USP38: variants seen among roughly 807,000 people sequenced by gnomAD.
The protein encoded by USP38 is ubiquitin specific peptidase 38, also known as ubiquitin carboxyl-terminal hydrolase 38.
USP38 carries 49 observed loss-of-function variants against 94.3 expected under a neutral mutation model. That is an observed-to-expected ratio of 0.52 (90% CI 0.41 to 0.66). The LOEUF is 0.66. Ranked by LOEUF, USP38 falls within the 30% of genes least tolerant of loss-of-function variation. The pLI is 0.00. For missense variants in USP38, 1,128 were observed against 1,229.4 expected (o/e 0.92, Z 1.23); for synonymous variants, 468 against 463.6 (o/e 1.01, Z -0.12).
chr4:143,214,768 A>T lies in USP38; in HGVS notation c.2792A>T (p.Lys931Ile). Residue 931 changes from lysine to isoleucine, a missense_variant, in exon 9 of 10, where the codon AAA becomes ATA. Coordinates refer to ENST00000307017, the MANE Select transcript of USP38 (RefSeq NM_032557.6). ...VTFTSFQSVQKITSRFPKDTA... is the reference protein window; with the variant it reads ...VTFTSFQSVQIITSRFPKDTA... ...TTTACTTCATTTCAGTCAGTCCAGA[A>T]AATTACGAGCAGGTTTCCAAAGGAC... is the stretch of plus-strand genomic sequence containing the variant. The T allele has an allele frequency of 6.2e-7, 1 of 1,613,792 alleles. No homozygotes were observed. The highest frequency in any genetic ancestry group is 1.3e-5 in the African/African-American group (1 of 75,026).
chr4:143,212,552 G>T, intron 8 of USP38, 128 bp downstream of exon 8: 1 of 517,388 alleles, frequency 1.9e-6, no homozygotes, highest in Non-Finnish European at 3.1e-6. Flanking sequence ...TGCATTTCTT[G>T]TATGTTTTTT....
intron 4 of USP38, 31 bp from the exon 5 acceptor site, chr4:143,203,377 T>G (rs754921187): frequency 3.3e-5 from 52 of 1,593,332 alleles, no homozygotes; most frequent in Non-Finnish European, 4.3e-5. Flanking sequence ...TTTGTATAAA[T>G]TCAGCATTGT....
rs1197820912 is a variant in USP38 at position 143,185,444 on chromosome 4, G to A, written c.-7G>A. Reference sequence around the variant, plus strand: ...TCCCCTGGCCCTGGCCTTGCAGCGTGGCGACAATGGACAAGATCCTGGAGG... The same window carrying A: ...TCCCCTGGCCCTGGCCTTGCAGCGTAGCGACAATGGACAAGATCCTGGAGG... On this transcript the variant is annotated 5_prime_UTR_variant, in exon 1 of 10. Transcript: ENST00000307017. 1 of 1,570,550 alleles carries A rather than the reference G, an allele frequency of 6.4e-7. No individual in the cohort carries two copies.
intron 2 of USP38, among the ~76,000 whole-genome samples, chr4:143,193,620 A>T (rs1285357799): frequency 1.3e-5 from 2 of 152,190 alleles, no homozygotes; most frequent in Admixed American, 6.5e-5. Flanking sequence ...TAGAGAATGG[A>T]GGGAACATAC....
chr4:143,185,760 C>T lies in USP38; in HGVS notation c.310C>T (p.Leu104=), dbSNP rs1731201566. ...HSLDRKDVAI[L]DYIHNGLKLI... is the part of the protein sequence containing the mutation. The stretch of plus-strand genomic sequence containing the variant: ...TCTGGACAGGAAGGATGTAGCCATC[C>T]TGGACTACATTCACAACGGCCTGAA... The change falls in exon 1 of 10, where the codon CTG becomes TTG. Residue 104 remains leucine, a synonymous_variant. Coordinates refer to ENST00000307017, the MANE Select transcript of USP38 (RefSeq NM_032557.6). 11 of 1,614,182 alleles carry T rather than the reference C, an allele frequency of 6.8e-6. No homozygotes were observed. The highest frequency in any genetic ancestry group is 1.1e-5 in the South Asian group (1 of 91,086).
chr4:143,185,512 T>C lies in USP38; in HGVS notation c.62T>C (p.Ile21Thr). 3.1e-6 allele frequency: 5 copies of C among 1,611,886 alleles called. No homozygotes were observed. Among genetic ancestry groups the C allele is most frequent in the Non-Finnish European group, 4.2e-6 (5 of 1,178,760 alleles). Residue 21 changes from isoleucine (I) to threonine (T), a missense_variant, in exon 1 of 10, where the codon ATT becomes ACT. By Grantham distance (89) the Ile-to-Thr change is moderately conservative (BLOSUM62 -1). Transcript: ENST00000307017. ...SSHPLPLKRVIVRKVVESAEH... is the reference protein window; with the variant it reads ...SSHPLPLKRVTVRKVVESAEH... ...CATCCCCTGCCCCTCAAGCGGGTGA[T>C]TGTGCGGAAGGTGGTGGAATCGGCG...
intron 3 of USP38, among the ~76,000 whole-genome samples, 170 bp from the exon 4 acceptor site, chr4:143,197,653 G>A (rs996612896): frequency 2.0e-5 from 3 of 152,154 alleles, no homozygotes; most frequent in South Asian, 2.1e-4. Flanking sequence ...TCTCTGTCAC[G>A]TTATTTCCTA....
chr4:143,211,978 G>A (rs1732036932), intron 7 of USP38, among the ~76,000 whole-genome samples: 1 of 152,030 alleles, frequency 6.6e-6, no homozygotes, highest in South Asian at 2.1e-4. Context: ...ACTCAAACAT[G>A]ACTGTCATAG....
At chr4:143,204,160 A>G (rs1433701738) in intron 5 of USP38, among the ~76,000 whole-genome samples, 1 of 151,704 alleles carries the variant, frequency 6.6e-6, no homozygotes, top group Non-Finnish European at 1.5e-5. Flanking sequence ...TTGTATTTTT[A>G]GTAGAGACAG....
intron 4 of USP38, among the ~76,000 whole-genome samples, chr4:143,201,474 T>C (rs545653635): frequency 1.3e-5 from 2 of 152,296 alleles, no homozygotes; most frequent in Non-Finnish European, 2.9e-5. Flanking sequence ...CATTCCTTAA[T>C]CTAGTAGTGG....
At chr4:143,216,330 A>C (rs570214759) in intron 9 of USP38, among the ~76,000 whole-genome samples, 36 of 152,114 alleles carry the variant, frequency 2.4e-4, no homozygotes, top group Admixed American at 3.9e-4. Context: ...ATTCAATCTT[A>C]AGTTTCATAT....
intron 8 of USP38, among the ~76,000 whole-genome samples, chr4:143,213,123 A>G (rs1219137137): frequency 6.6e-6 from 1 of 152,102 alleles, no homozygotes; most frequent in East Asian, 1.9e-4. Context: ...TCGCCTGACC[A>G]CTTAATTAAT....
At chr4:143,196,523 C>A (rs886609488) in intron 3 of USP38, among the ~76,000 whole-genome samples, 5 of 152,128 alleles carry the variant, frequency 3.3e-5, no homozygotes, top group Non-Finnish European at 7.4e-5. Flanking sequence ...CGATCACTCC[C>A]TCTTGTTTCC....
Position 143,185,192 on chromosome 4 carries a change from G to A in USP38, c.-259G>A. On this transcript the variant is annotated 5_prime_UTR_variant, in exon 1 of 10. Coordinates refer to ENST00000307017, the MANE Select transcript of USP38 (RefSeq NM_032557.6). ...GTGGGATCGAGGGCCCGGGGCGGCG[G>A]CGGAGTACGGGCCTCTGGCGCCTTA... The A allele has an allele frequency of 2.6e-6, 1 of 385,480 alleles. No homozygotes were observed. The highest frequency in any genetic ancestry group is 4.6e-6 in the Non-Finnish European group (1 of 215,532). 23.9% of individuals were successfully genotyped at this position (385,480 alleles called of 1,614,324 possible).
intron 1 of USP38, among the ~76,000 whole-genome samples, chr4:143,186,391 A>G (rs1454712053): frequency 6.6e-6 from 1 of 152,208 alleles, no homozygotes; most frequent in Non-Finnish European, 1.5e-5. Context: ...AAGTTGCTTA[A>G]TTACCCAGCC....
In USP38 at chr4:143,214,012, G is replaced by T; in HGVS notation, c.2036G>T (p.Gly679Val). 6.2e-7 allele frequency: 1 copy of T among 1,613,502 alleles called. No individual in the cohort carries two copies. The highest frequency in any genetic ancestry group is 1.1e-5 in the South Asian group (1 of 91,062). ...TCACTTGTGAATGAAAAAACCATAG[G>T]CAGTCCTCCTAATGAGTTTTACTGT... ...CDSLVNEKTIGSPPNEFYCSE... is the reference protein window; with the variant it reads ...CDSLVNEKTIVSPPNEFYCSE... The change falls in exon 9 of 10, where the codon GGC (glycine) becomes GTC (valine). Residue 679 changes from glycine to valine, a missense_variant. Transcript: ENST00000307017.
intron 6 of USP38, among the ~76,000 whole-genome samples, chr4:143,208,705 C>T (rs1731939192): frequency 6.6e-6 from 1 of 151,708 alleles, no homozygotes; most frequent in African/African-American, 2.4e-5. Context: ...GATAATCATC[C>T]TTTGCTACAT....
At chr4:143,186,754 A>G (rs1731238035) in intron 1 of USP38, among the ~76,000 whole-genome samples, 1 of 152,184 alleles carries the variant, frequency 6.6e-6, no homozygotes, top group Non-Finnish European at 1.5e-5. Context: ...GAAAGCAGAG[A>G]AGGGTCACAT....
chr4:143,194,894 CTT>C (rs58872769), intron 2 of USP38, among the ~76,000 whole-genome samples: 1,438 of 142,396 alleles, frequency 0.01, 12 homozygotes, highest in Middle Eastern at 0.015. Flanking sequence ...TCCTATATTA[CTT>C]TTTTTTTTTT....
Sources: allele counts gnomAD v4.1 joint callset (sites outside exome capture counted in the v4.1 genomes callset), GRCh38; gene constraint gnomAD v4.1.1; transcripts MANE v1.5; gene names NCBI Gene and HGNC (gene_info 2026-07-23, HGNC 2026-07-21).